NFIB: variants seen among roughly 807,000 people sequenced by gnomAD.
NFIB encodes nuclear factor 1 B-type.
Under a neutral mutation model 61.5 loss-of-function variants are expected in NFIB, and 11 were observed. That is an observed-to-expected ratio of 0.18 (90% CI 0.11 to 0.30). The LOEUF (loss-of-function observed/expected upper bound fraction) is 0.30. Among genes scored for constraint, NFIB ranks in the 10% least tolerant of loss-of-function variants. The pLI, the probability that NFIB is intolerant of heterozygous loss-of-function variation, is 1.00. For synonymous variants in NFIB, 260 were observed against 216.5 expected, an observed-to-expected ratio of 1.20 and a Z score of -1.76; for missense variants, 471 against 608.9, an observed-to-expected ratio of 0.77 and a Z score of 2.38.
chr9:14,389,326 C>T (rs1169515050), intron 1 of NFIB, among the ~76,000 whole-genome samples: 1 of 152,168 alleles, frequency 6.6e-6, no homozygotes, highest in Non-Finnish European at 1.5e-5. Flanking sequence ...TTTCTCCTCC[C>T]ACCTTTCTGA....
intron 2 of NFIB, among the ~76,000 whole-genome samples, chr9:14,221,032 C>T (rs1324558224): frequency 6.6e-6 from 1 of 152,134 alleles, no homozygotes; most frequent in East Asian, 1.9e-4. Context: ...CAGCAAGATA[C>T]TAAACTCTGC....
intron 1 of NFIB, among the ~76,000 whole-genome samples, chr9:14,385,260 C>T (rs1229820242): frequency 2.0e-5 from 3 of 152,122 alleles, no homozygotes; most frequent in African/African-American, 4.8e-5. Context: ...AAGATCAGGC[C>T]GCATAGTAAC....
At chr9:14,206,302 G>C (rs1396950742) in intron 2 of NFIB, among the ~76,000 whole-genome samples, 2 of 151,372 alleles carry the variant, frequency 1.3e-5, no homozygotes, top group Admixed American at 1.3e-4. Context: ...TCGGCCTCTT[G>C]AGTATCTAGG....
At chr9:14,096,159 G>A (rs1488910781) in intron 10 of NFIB, among the ~76,000 whole-genome samples, 5 of 152,052 alleles carry the variant, frequency 3.3e-5, no homozygotes, top group South Asian at 2.1e-4. Flanking sequence ...TCTTACGGAC[G>A]AACTACATCT....
At chr9:14,339,949 G>T (rs931774217) in intron 1 of NFIB, among the ~76,000 whole-genome samples, 2 of 152,168 alleles carry the variant, frequency 1.3e-5, no homozygotes, top group Non-Finnish European at 2.9e-5. Flanking sequence ...TAAGCTTATG[G>T]GTTTCTAAGA....
chr9:14,470,353 G>T, the NFIB span, among the ~76,000 whole-genome samples: 1 of 152,070 alleles, frequency 6.6e-6, no homozygotes, highest in African/African-American at 2.4e-5. Flanking sequence ...ATTGCATATG[G>T]TTTTGGTTTG....
the NFIB span, among the ~76,000 whole-genome samples, chr9:14,427,085 A>T: frequency 3.3e-3 from 507 of 152,284 alleles, 4 homozygotes; most frequent in Middle Eastern, 0.01. Context: ...GGTTAAATGC[A>T]TATGTGTACT....
intron 1 of NFIB, among the ~76,000 whole-genome samples, chr9:14,349,127 A>G (rs2061073266): frequency 1.3e-5 from 2 of 152,214 alleles, no homozygotes; most frequent in Non-Finnish European, 2.9e-5. Flanking sequence ...AGATCTCTGT[A>G]TTTTTAAACA....
At chr9:14,409,012 T>C in the NFIB span, among the ~76,000 whole-genome samples, 3 of 152,146 alleles carry the variant, frequency 2.0e-5, no homozygotes, top group South Asian at 6.2e-4. Context: ...TGCCAAGAAA[T>C]TGAGAAGTTA....
At chr9:14,119,371 T>C (rs1472724082) in intron 8 of NFIB, among the ~76,000 whole-genome samples, 1 of 152,198 alleles carries the variant, frequency 6.6e-6, no homozygotes, top group Non-Finnish European at 1.5e-5. Flanking sequence ...AATATCTCAG[T>C]CAGTCAAACT....
intron 3 of NFIB, among the ~76,000 whole-genome samples, chr9:14,170,798 T>C (rs890667354): frequency 2.0e-5 from 3 of 152,142 alleles, no homozygotes; most frequent in Non-Finnish European, 2.9e-5. Context: ...AACCTAGACA[T>C]TCAACTAAGA....
chr9:14,117,142 G>T (rs1333216368), intron 8 of NFIB, among the ~76,000 whole-genome samples: 1 of 152,210 alleles, frequency 6.6e-6, no homozygotes. Context: ...ACAAGCAAAT[G>T]AGCATTGTTA....
intron 1 of NFIB, among the ~76,000 whole-genome samples, chr9:14,308,494 G>A (rs1563997170): frequency 6.6e-6 from 1 of 151,702 alleles, no homozygotes; most frequent in Non-Finnish European, 1.5e-5. Context: ...CCGATCACAT[G>A]AGTATAGCAA....
At chr9:14,454,940 T>A in the NFIB span, among the ~76,000 whole-genome samples, 1 of 152,224 alleles carries the variant, frequency 6.6e-6, no homozygotes, top group African/African-American at 2.4e-5. Context: ...TGGAATGAAT[T>A]GAATTCTGAA....
chr9:14,270,214 T>C (rs992866528), intron 2 of NFIB, among the ~76,000 whole-genome samples: 1 of 152,096 alleles, frequency 6.6e-6, no homozygotes, highest in African/African-American at 2.4e-5. Context: ...GGGTAAAAAA[T>C]AATAATAATA....
chr9:14,285,153 T>C (rs2058627943), intron 2 of NFIB, among the ~76,000 whole-genome samples: 1 of 152,330 alleles, frequency 6.6e-6, no homozygotes, highest in South Asian at 2.1e-4. Flanking sequence ...GACAGAGTCT[T>C]GCACTGACAC....
chr9:14,346,286 CG>C (rs1372284438), intron 1 of NFIB, among the ~76,000 whole-genome samples: 1 of 108,634 alleles, frequency 9.2e-6, no homozygotes, highest in East Asian at 2.4e-4. Flanking sequence ...ACGAGGTAAC[CG>C]ACACCCCCCC....
chr9:14,150,021 G>A, intron 5 of NFIB, 124 bp downstream of exon 5: 1 of 1,344,712 alleles, frequency 7.4e-7, no homozygotes, highest in South Asian at 1.5e-5. Context: ...TTAAAAATCT[G>A]TGTACTACCA....
chr9:14,386,440 G>A (rs535605773), intron 1 of NFIB, among the ~76,000 whole-genome samples: 1 of 152,298 alleles, frequency 6.6e-6, no homozygotes, highest in South Asian at 2.1e-4. Flanking sequence ...CAGGTCCTCA[G>A]GTGAGTGACA....
Sources: gnomAD v4.1 joint callset for allele counts (sites outside exome capture counted in the v4.1 genomes callset) on GRCh38, gnomAD v4.1.1 for gene constraint, MANE v1.5 for transcripts, NCBI Gene and HGNC (gene_info 2026-07-23, HGNC 2026-07-21) for gene names.